Variants in EIF3J observed in about 807,000 individuals in gnomAD.
EIF3J encodes the protein eukaryotic translation initiation factor 3 subunit J.
In EIF3J, 15 loss-of-function variants were observed where a neutral mutation model predicts 39.0. The ratio of observed to expected loss-of-function variants is 0.38; its 90% CI spans 0.26 to 0.59. The LOEUF (loss-of-function observed/expected upper bound fraction) is 0.59, where lower values mean the gene tolerates loss of function less well. Among genes scored for constraint, EIF3J ranks in the 20% least tolerant of loss-of-function variants. The pLI is 0.60. For missense variants in EIF3J, 226 were observed against 308.6 expected (o/e 0.73, Z 2.00); for synonymous variants, 98 against 112.9 (o/e 0.87, Z 0.84).
chr15:44,542,541 C>T (rs1352405326), intron 2 of EIF3J, among the ~76,000 whole-genome samples: 1 of 152,166 alleles, frequency 6.6e-6, no homozygotes, highest in Non-Finnish European at 1.5e-5. Context: ...GTTCTCATTG[C>T]ATGTGACATA....
intron 2 of EIF3J, among the ~76,000 whole-genome samples, chr15:44,543,545 C>G (rs980931882): frequency 4.6e-5 from 7 of 151,892 alleles, no homozygotes; most frequent in Non-Finnish European, 1.0e-4. Context: ...TCCCAAGTAG[C>G]TGGGACTACA....
At chr15:44,556,737 C>T (rs1323323379) in intron 5 of EIF3J, among the ~76,000 whole-genome samples, 1 of 152,110 alleles carries the variant, frequency 6.6e-6, no homozygotes, top group Non-Finnish European at 1.5e-5. Context: ...CTCTCGGACT[C>T]CTGACCTCAG....
intron 2 of EIF3J, among the ~76,000 whole-genome samples, chr15:44,545,058 T>C (rs974138932): frequency 1.3e-5 from 2 of 152,064 alleles, no homozygotes; most frequent in African/African-American, 4.8e-5. Context: ...GGTGAGAAGT[T>C]TGGTAACCAG....
intron 5 of EIF3J, among the ~76,000 whole-genome samples, 179 bp from the exon 6 acceptor site, chr15:44,557,310 T>G (rs1438813556): frequency 6.6e-6 from 1 of 152,174 alleles, no homozygotes; most frequent in African/African-American, 2.4e-5. Flanking sequence ...GATTTAAGTT[T>G]GTAACCCCCC....
intron 2 of EIF3J, among the ~76,000 whole-genome samples, chr15:44,540,584 A>T (rs1261004497): frequency 2.6e-5 from 4 of 151,710 alleles, no homozygotes; most frequent in Non-Finnish European, 5.9e-5. Flanking sequence ...ATTTATTTTG[A>T]GACAGATTTG....
intron 4 of EIF3J, among the ~76,000 whole-genome samples, chr15:44,554,297 A>AAG (rs1404683815): frequency 6.6e-6 from 1 of 151,246 alleles, no homozygotes; most frequent in Non-Finnish European, 1.5e-5. Flanking sequence ...GAATCACTTG[A>AAG]ACCCAGGAGG....
At chr15:44,545,240 G>A (rs752241089) in intron 2 of EIF3J, among the ~76,000 whole-genome samples, 5 of 152,098 alleles carry the variant, frequency 3.3e-5, no homozygotes, top group Non-Finnish European at 7.3e-5. Context: ...TTTTGCATTG[G>A]AATTGCATTG....
At chr15:44,537,534 C>A in intron 2 of EIF3J, 107 bp downstream of exon 2, 6 of 1,199,368 alleles carry the variant, frequency 5.0e-6, no homozygotes, top group Non-Finnish European at 6.6e-6. Context: ...TGGGTCCAGG[C>A]GCGAGCATAG....
At chr15:44,555,088 C>T (rs892948636) in intron 5 of EIF3J, among the ~76,000 whole-genome samples, 4 of 152,176 alleles carry the variant, frequency 2.6e-5, no homozygotes, top group Non-Finnish European at 5.9e-5. Flanking sequence ...CCTTCTTGTG[C>T]TCAGTGTCAT....
chr15:44,555,353 T>C (rs1318817893), intron 5 of EIF3J, among the ~76,000 whole-genome samples: 2 of 152,238 alleles, frequency 1.3e-5, no homozygotes, highest in African/African-American at 4.8e-5. Flanking sequence ...GTTAAATCAC[T>C]GAAATTTATA....
chr15:44,560,167 T>C (rs1342859581), intron 6 of EIF3J, 82 bp from the exon 7 acceptor site: 9 of 1,068,510 alleles, frequency 8.4e-6, no homozygotes, highest in Non-Finnish European at 1.2e-5. Flanking sequence ...TATATAGATA[T>C]ATATGGAATG....
At chr15:44,554,802 G>C in intron 5 of EIF3J, 135 bp downstream of exon 5, 1 of 504,546 alleles carries the variant, frequency 2.0e-6, no homozygotes, top group Non-Finnish European at 3.5e-6. Context: ...TTTAATCTCT[G>C]TGTATATTTG....
intron 4 of EIF3J, among the ~76,000 whole-genome samples, 156 bp from the exon 5 acceptor site, chr15:44,554,397 A>C (rs2082127200): frequency 6.6e-6 from 1 of 151,694 alleles, no homozygotes. Context: ...AAAAAAAAAA[A>C]AAACTAAAGT....
intron 4 of EIF3J, among the ~76,000 whole-genome samples, chr15:44,553,275 A>G (rs2082115875): frequency 6.6e-6 from 1 of 151,816 alleles, no homozygotes; most frequent in Admixed American, 6.6e-5. Flanking sequence ...GGCAGATCAC[A>G]AGGTCAGGAG....
At chr15:44,554,420 G>A in intron 4 of EIF3J, 133 bp from the exon 5 acceptor site, 1 of 324,930 alleles carries the variant, frequency 3.1e-6, no homozygotes, top group Non-Finnish European at 5.8e-6. Flanking sequence ...TTAGAAGAAT[G>A]CCTGAAACAG....
At chr15:44,540,302 C>T (rs1283070479) in intron 2 of EIF3J, among the ~76,000 whole-genome samples, 1 of 130,146 alleles carries the variant, frequency 7.7e-6, no homozygotes, top group Non-Finnish European at 1.6e-5. Context: ...AGGGTTTCGC[C>T]ATGTTACCTA....
At chr15:44,550,827 A>G (rs2082092681) in intron 2 of EIF3J, 49 bp from the exon 3 acceptor site, 2 of 1,345,712 alleles carry the variant, frequency 1.5e-6, no homozygotes, top group African/African-American at 1.5e-5. Flanking sequence ...TAAAGTTCAC[A>G]TAGAAAAGCA....
chr15:44,541,788 TAG>T (rs1183824321), intron 2 of EIF3J, among the ~76,000 whole-genome samples: 1 of 152,112 alleles, frequency 6.6e-6, no homozygotes, highest in African/African-American at 2.4e-5. Flanking sequence ...AAACATGCAG[TAG>T]AGAGAAACAT....
At chr15:44,552,768 C>T (rs2082110982) in intron 4 of EIF3J, among the ~76,000 whole-genome samples, 1 of 152,172 alleles carries the variant, frequency 6.6e-6, no homozygotes, top group Non-Finnish European at 1.5e-5. Context: ...CCGTGTTGGC[C>T]AGGTTGGTCT....
Sources: allele counts gnomAD v4.1 joint callset (sites outside exome capture counted in the v4.1 genomes callset), GRCh38; gene constraint gnomAD v4.1.1; transcripts MANE v1.5; gene names NCBI Gene and HGNC (gene_info 2026-07-23, HGNC 2026-07-21).